Variants in LRRD1 observed in about 807,000 individuals in gnomAD.
The protein encoded by LRRD1 is leucine rich repeats and death domain containing 1, also known as leucine-rich repeat and death domain-containing protein 1.
Under a neutral mutation model 69.5 loss-of-function variants are expected in LRRD1, and 49 were observed. That is an observed-to-expected ratio of 0.70 (90% CI 0.56 to 0.89). The LOEUF is 0.89. LRRD1 is among the 40% of genes least tolerant of loss of function. LRRD1 has a pLI of 0.00. For synonymous variants in LRRD1, 303 were observed against 338.9 expected (o/e 0.89, Z 1.16); for missense variants, 853 against 956.0 (o/e 0.89, Z 1.42).
intron 3 of LRRD1, among the ~76,000 whole-genome samples, chr7:92,152,565 C>T (rs544776503): frequency 7.9e-5 from 12 of 152,066 alleles, no homozygotes; most frequent in African/African-American, 2.7e-4. Flanking sequence ...AACTACCAAA[C>T]TTTTCTAAAG....
In LRRD1 at chr7:92,164,607, C is replaced by T; in HGVS notation, c.596G>A (p.Gly199Glu). 1 of 1,551,634 alleles carries T rather than the reference C, an allele frequency of 6.4e-7. No homozygotes were observed. Among genetic ancestry groups the T allele is most frequent in the Non-Finnish European group, 8.7e-7 (1 of 1,146,790 alleles). The change falls in exon 2 of 6, where the codon GGA (glycine) becomes GAA (glutamate). Residue 199 changes from glycine (G) to glutamate (E), a missense_variant. Physicochemically the swap from Gly to Glu is moderately conservative, Grantham distance 98. Transcript: ENST00000458448. ...GLEILSLQENGLSSLPSEIQL... is the reference protein window; with the variant it reads ...GLEILSLQENELSSLPSEIQL... ...AATTTCAGATGGAAGTGATGATAAT[C>T]CATTTTCTTGCAGGGATAGAATTTC...
intron 2 of LRRD1, among the ~76,000 whole-genome samples, chr7:92,161,819 C>T (rs1227466713): frequency 6.6e-6 from 1 of 151,728 alleles, no homozygotes; most frequent in African/African-American, 2.4e-5. Context: ...TGTGTGACAA[C>T]AAAAGAATAG....
At chr7:92,143,710 C>T (rs1187911576), downstream of LRRD1, among the ~76,000 whole-genome samples, 1 of 152,218 alleles carries the variant, frequency 6.6e-6, no homozygotes, top group African/African-American at 2.4e-5. Context: ...CCTCTCCCTG[C>T]ACACATGCCT....
intron 4 of LRRD1, among the ~76,000 whole-genome samples, chr7:92,150,119 C>T (rs1820428844): frequency 6.6e-6 from 1 of 152,204 alleles, no homozygotes; most frequent in Non-Finnish European, 1.5e-5. Context: ...TTTCATATCT[C>T]TGCCAGATTG....
chr7:92,170,871 A>C (rs1584662590), intron 1 of LRRD1, among the ~76,000 whole-genome samples: 1 of 152,354 alleles, frequency 6.6e-6, no homozygotes, highest in African/African-American at 2.4e-5. Flanking sequence ...CAATGGAATA[A>C]AACAGGAAAT....
At chr7:92,142,047 A>G, downstream of LRRD1, 1 of 168,686 alleles carries the variant, frequency 5.9e-6, no homozygotes, top group Admixed American at 5.7e-5. Context: ...AGTTCACGCC[A>G]TTCTCCTGCC....
rs1301336882 is a variant in LRRD1, at chr7:92,150,684, T to C, written c.2128A>G (p.Thr710Ala). The C allele has an allele frequency of 5.9e-6, 9 of 1,531,946 alleles. No homozygotes were observed. The highest frequency in any genetic ancestry group is 7.9e-6 in the Non-Finnish European group (9 of 1,137,150). The allele number at this position is 1,531,946 out of a possible 1,614,324, so 94.9% of individuals were successfully genotyped here. ...TTGTAGATAGCACTAGGTAGAGCTG[T>C]CAGATTATTTCCTAGTAGAAAAAAA... The part of the protein sequence containing the change: ...QQLNLSGNNL[T>A]ALPSAIYNIF... Residue 710 changes from threonine to alanine, a missense_variant, in exon 4 of 6, where the codon ACA becomes GCA. This residue lies in a region of LRRD1 where 739 missense variants were observed against 808.0 expected (regional missense o/e 0.91). Transcript: ENST00000458448.
chr7:92,144,646 A>G (rs1048146274), downstream of LRRD1, among the ~76,000 whole-genome samples: 34 of 151,718 alleles, frequency 2.2e-4, no homozygotes, highest in Non-Finnish European at 4.4e-5. Flanking sequence ...AAAAAAAAAA[A>G]AAAGGAATTA....
At position 92,150,687 on chromosome 7, in the gene LRRD1, G is replaced by T; in HGVS notation, c.2125C>A (p.Leu709Met). The T allele has an allele frequency of 6.5e-7, 1 of 1,530,998 alleles. No homozygotes were observed. Among genetic ancestry groups the T allele is most frequent in the Non-Finnish European group, 8.8e-7 (1 of 1,136,042 alleles). 94.8% of individuals were successfully genotyped at this position (1,530,998 alleles called of 1,614,324 possible). A position where few individuals can be genotyped will look rare whatever the true frequency, so the allele number is the denominator to read the frequency against. ...TAGATAGCACTAGGTAGAGCTGTCAGATTATTTCCTAGTAGAAAAAAATTA... is the reference window on the plus strand; with the variant it reads ...TAGATAGCACTAGGTAGAGCTGTCATATTATTTCCTAGTAGAAAAAAATTA... ...LQQLNLSGNN[L>M]TALPSAIYNI... Residue 709 changes from leucine to methionine, a missense_variant, in exon 4 of 6, where the codon CTG (leucine) becomes ATG (methionine). By Grantham distance (15) the Leu-to-Met change is conservative. Around this residue, in one of 3 missense-constraint regions of LRRD1, gnomAD observed 739 missense variants for 808.0 expected, o/e 0.91. Coordinates refer to ENST00000458448, the MANE Select transcript of LRRD1 (RefSeq NM_001161528.2).
At chr7:92,154,543 C>A (rs1027427205) in intron 3 of LRRD1, among the ~76,000 whole-genome samples, 1 of 151,948 alleles carries the variant, frequency 6.6e-6, no homozygotes, top group Admixed American at 6.5e-5. Context: ...TGACACCCAG[C>A]CTTTTAATAT....
At chr7:92,146,257 G>C (rs1428314455) in intron 4 of LRRD1, 57 bp from the exon 5 acceptor site, 1 of 834,948 alleles carries the variant, frequency 1.2e-6, no homozygotes, top group African/African-American at 1.7e-5. Flanking sequence ...TCTATTTTGA[G>C]TTCATATTAT....
chr7:92,163,334 T>G lies in LRRD1; in HGVS notation c.1869A>C (p.Gln623His), dbSNP rs1323221467. ...TATTCAGCTGTTCCAGTGATTGAAG[T>G]TGGCACAGTTCAATAGGAAAATGTA... ...QFIHFPIELC[Q>H]LQSLEQLNIS... is the part of the protein sequence containing the mutation. The change falls in exon 2 of 6, where the codon CAA (glutamine) becomes CAC (histidine). Residue 623 changes from glutamine (Q) to histidine (H), a missense_variant. Physicochemically the swap from Gln to His is conservative, Grantham distance 24. This residue lies in a region of LRRD1 where 739 missense variants were observed against 808.0 expected (regional missense o/e 0.91). Coordinates refer to ENST00000458448, the MANE Select transcript of LRRD1 (RefSeq NM_001161528.2). The G allele has an allele frequency of 2.6e-6, 4 of 1,527,088 alleles. No homozygotes were observed. In the South Asian group the frequency reaches 5.0e-5, roughly 19 times the overall value. The allele number at this position is 1,527,088 out of a possible 1,614,324, so 94.6% of individuals were successfully genotyped here. A position where few individuals can be genotyped will look rare whatever the true frequency, so the allele number is the denominator to read the frequency against.
intron 1 of LRRD1, among the ~76,000 whole-genome samples, chr7:92,173,687 T>C (rs1412924202): frequency 6.6e-6 from 1 of 152,202 alleles, no homozygotes; most frequent in Non-Finnish European, 1.5e-5. Context: ...TCACGGATGC[T>C]GGCGAGGATG....
Position 92,150,621 on chromosome 7 carries a change from G to T in LRRD1, c.2191C>A (p.Pro731Thr), listed in dbSNP as rs1246101278. ...ATTTCCACTGGAGGTCTCAGCAAAGGGTTGTCATCAAAATTTATCTCCTTC... is the reference window on the plus strand; with the variant it reads ...ATTTCCACTGGAGGTCTCAGCAAAGTGTTGTCATCAAAATTTATCTCCTTC... ...SLKEINFDDN[P>T]LLRPPVEICK... The change falls in exon 4 of 6, where the codon CCT (proline) becomes ACT (threonine). Residue 731 changes from proline to threonine, a missense_variant. Pro to Thr is a conservative substitution (Grantham distance 38). Transcript: ENST00000458448. 3.9e-6 allele frequency: 6 copies of T among 1,551,036 alleles called. No individual in the cohort carries two copies. The Admixed American group carries it at 7.8e-5, about 20-fold the overall frequency.
chr7:92,175,908 A>G (rs1789185528), intron 1 of LRRD1, among the ~76,000 whole-genome samples: 1 of 152,200 alleles, frequency 6.6e-6, no homozygotes, highest in East Asian at 1.9e-4. Context: ...CATAGTTCAT[A>G]TATGTGTGGA....
At chr7:92,173,636 T>C (rs1455445876) in intron 1 of LRRD1, among the ~76,000 whole-genome samples, 1 of 152,166 alleles carries the variant, frequency 6.6e-6, no homozygotes, top group Non-Finnish European at 1.5e-5. Context: ...GAGATATCAT[T>C]TTATGCCAGT....
downstream of LRRD1, among the ~76,000 whole-genome samples, chr7:92,143,958 G>T (rs563388742): frequency 3.3e-5 from 5 of 152,238 alleles, no homozygotes; most frequent in Non-Finnish European, 5.9e-5. Context: ...GTTAGTGCTG[G>T]AGTAGGGGAA....
Position 92,165,150 on chromosome 7 carries a change from A to C in LRRD1, c.53T>G (p.Phe18Cys), listed in dbSNP as rs1384356826. 4.5e-6 allele frequency: 7 copies of C among 1,549,256 alleles called. No individual in the cohort carries two copies. The highest frequency in any genetic ancestry group is 5.2e-6 in the Non-Finnish European group (6 of 1,146,246). ...TGACTGTGATCTAGATTCTTTCCTA[A>C]ATTGACTAATAGTATCCTCTAGCAC... ...SEVLEDTISQ[F>C]RKESRSQSMK... is the part of the protein sequence containing the mutation. Residue 18 changes from phenylalanine to cysteine, a missense_variant, in exon 2 of 6, where the codon TTT becomes TGT. This residue lies in a region of LRRD1 where 99 missense variants were observed against 107.0 expected (regional missense o/e 0.92). Transcript: ENST00000458448.
chr7:92,178,673 A>T (rs1789249547), intron 1 of LRRD1, among the ~76,000 whole-genome samples: 1 of 152,244 alleles, frequency 6.6e-6, no homozygotes, highest in Admixed American at 6.5e-5. Flanking sequence ...TCTGTCGCAA[A>T]AAATAAATAA....
Sources: allele counts gnomAD v4.1 joint callset (sites outside exome capture counted in the v4.1 genomes callset), GRCh38; gene constraint gnomAD v4.1.1; regional missense constraint gnomAD v4.1.1; transcripts MANE v1.5; gene names NCBI Gene and HGNC (gene_info 2026-07-23, HGNC 2026-07-21).